Variants in SLC15A1 observed in about 807,000 individuals in gnomAD.
The protein encoded by SLC15A1 is solute carrier family 15 member 1.
A neutral mutation model predicts 92.9 loss-of-function variants in SLC15A1; 83 were observed. That is an observed-to-expected ratio of 0.89 (90% CI 0.75 to 1.07). The LOEUF is 1.07. Ranked by LOEUF, SLC15A1 falls within the 50% of genes least tolerant of loss-of-function variation. SLC15A1 has a pLI of 0.00. For missense variants in SLC15A1, 857 were observed against 880.1 expected (o/e 0.97, Z 0.33); for synonymous variants, 322 against 318.2 (o/e 1.01, Z -0.13).
Position 98,709,907 on chromosome 13 carries a change from G to C in SLC15A1, c.905C>G (p.Ser302Cys). 1.2e-6 allele frequency: 2 copies of C among 1,614,170 alleles called. No homozygotes were observed. Among genetic ancestry groups the C allele is most frequent in the Non-Finnish European group, 1.7e-6 (2 of 1,180,026 alleles). The stretch of plus-strand genomic sequence containing the variant: ...AGTTGTTGCCTGCAGTGTCCACCTG[G>C]AGCCCTTAAAAATGAATACATTTGC... ...MFWALFDQQG[S>C]RWTLQATTMS... is the part of the protein sequence containing the mutation. The change falls in exon 12 of 23, where the codon TCC (serine) becomes TGC (cysteine). Residue 302 changes from serine (S) to cysteine (C), a missense_variant. Ser to Cys is a moderately radical substitution (Grantham distance 112). Coordinates refer to ENST00000376503, the MANE Select transcript of SLC15A1 (RefSeq NM_005073.4).
chr13:98,692,830 C>T (rs1192806566), intron 18 of SLC15A1, among the ~76,000 whole-genome samples: 3 of 152,060 alleles, frequency 2.0e-5, no homozygotes, highest in East Asian at 1.9e-4. Context: ...ATTGCAGCCT[C>T]GACCTCCCGG....
At chr13:98,724,647 A>AT (rs2139594686) in intron 4 of SLC15A1, among the ~76,000 whole-genome samples, 1 of 152,112 alleles carries the variant, frequency 6.6e-6, no homozygotes. Context: ...AATTTTTTGT[A>AT]TTTTTTAGTA....
chr13:98,707,639 G>A (rs2088123121), intron 15 of SLC15A1, among the ~76,000 whole-genome samples: 1 of 152,116 alleles, frequency 6.6e-6, no homozygotes, highest in Non-Finnish European at 1.5e-5. Context: ...CCGGGCATGG[G>A]GGCTCATGCC....
intron 18 of SLC15A1, among the ~76,000 whole-genome samples, chr13:98,695,394 T>G (rs1410664192): frequency 6.6e-6 from 1 of 152,068 alleles, no homozygotes; most frequent in Admixed American, 6.6e-5. Context: ...ACCCAGTTTT[T>G]TTTGTTTGTT....
chr13:98,742,180 G>A (rs1475248969), intron 1 of SLC15A1, among the ~76,000 whole-genome samples: 1 of 152,226 alleles, frequency 6.6e-6, no homozygotes, highest in Non-Finnish European at 1.5e-5. Context: ...CTGGTGAGGC[G>A]GTGGGGGAGC....
At chr13:98,725,580 A>T (rs2139595355) in intron 4 of SLC15A1, among the ~76,000 whole-genome samples, 1 of 152,352 alleles carries the variant, frequency 6.6e-6, no homozygotes, top group South Asian at 2.1e-4. Context: ...GATGTGACAA[A>T]GATGCTACAT....
At chr13:98,701,285 T>TG (rs1241268633) in intron 18 of SLC15A1, among the ~76,000 whole-genome samples, 3 of 152,224 alleles carry the variant, frequency 2.0e-5, no homozygotes, top group African/African-American at 4.8e-5. Flanking sequence ...TCATATTCTG[T>TG]GGGGGGAGAT....
At position 98,709,907 on chromosome 13, in the gene SLC15A1, G is replaced by A. The variant is rs367841578; in HGVS notation, c.905C>T (p.Ser302Phe). ...MFWALFDQQG[S>F]RWTLQATTMS... ...AGTTGTTGCCTGCAGTGTCCACCTG[G>A]AGCCCTTAAAAATGAATACATTTGC... The change falls in exon 12 of 23, where the codon TCC becomes TTC. Residue 302 changes from serine to phenylalanine, a missense_variant. Physicochemically the swap from Ser to Phe is radical, Grantham distance 155. Coordinates refer to ENST00000376503, the MANE Select transcript of SLC15A1 (RefSeq NM_005073.4). 26 of 1,614,052 alleles carry A rather than the reference G, an allele frequency of 1.6e-5. No homozygotes were observed. Among genetic ancestry groups the A allele is most frequent in the Non-Finnish European group, 1.9e-5 (23 of 1,180,034 alleles).
intron 1 of SLC15A1, among the ~76,000 whole-genome samples, chr13:98,741,478 G>T (rs111461173): frequency 6.6e-6 from 1 of 152,110 alleles, no homozygotes; most frequent in African/African-American, 2.4e-5. Flanking sequence ...CTACACTCCT[G>T]CAATCCCAGT....
At chr13:98,687,200 C>T (rs1199023441) in intron 21 of SLC15A1, among the ~76,000 whole-genome samples, 2 of 152,036 alleles carry the variant, frequency 1.3e-5, no homozygotes, top group Non-Finnish European at 1.5e-5. Flanking sequence ...TCAACCAAAC[C>T]TATCATGAGG....
intron 21 of SLC15A1, among the ~76,000 whole-genome samples, chr13:98,686,925 T>C (rs574870967): frequency 6.6e-6 from 1 of 150,822 alleles, no homozygotes; most frequent in East Asian, 2.0e-4. Flanking sequence ...AAGCAATAAT[T>C]CTTTTAAACT....
chr13:98,722,948 G>A (rs2088271472), intron 5 of SLC15A1, among the ~76,000 whole-genome samples: 1 of 152,078 alleles, frequency 6.6e-6, no homozygotes, highest in African/African-American at 2.4e-5. Context: ...TGCTTTACTT[G>A]GATTAACCCA....
intron 1 of SLC15A1, among the ~76,000 whole-genome samples, chr13:98,732,726 AAG>A (rs1308241767): frequency 6.6e-6 from 1 of 152,182 alleles, no homozygotes; most frequent in East Asian, 1.9e-4. Flanking sequence ...GCTGAGGTCT[AAG>A]AGAGAAGGCC....
chr13:98,719,283 G>A lies in SLC15A1; in HGVS notation c.594C>T (p.Tyr198=). Residue 198 remains tyrosine, a synonymous_variant, in exon 8 of 23, where the codon TAC becomes TAT. Coordinates refer to ENST00000376503, the MANE Select transcript of SLC15A1 (RefSeq NM_005073.4). ...QCGIHSKQAC[Y]PLAFGVPAAL... is the part of the protein sequence containing the mutation. ...CAGCAGGAACCCCAAAGGCCAGTGGGTAACAAGCTTGTTTACTGTGAATTC... is the reference window on the plus strand; with the variant it reads ...CAGCAGGAACCCCAAAGGCCAGTGGATAACAAGCTTGTTTACTGTGAATTC... The A allele has an allele frequency of 5.6e-6, 9 of 1,613,896 alleles. No homozygotes were observed. The highest frequency in any genetic ancestry group is 7.6e-6 in the Non-Finnish European group (9 of 1,179,814).
chr13:98,696,738 G>C (rs1593982545), intron 18 of SLC15A1, among the ~76,000 whole-genome samples: 1 of 152,136 alleles, frequency 6.6e-6, no homozygotes, highest in African/African-American at 2.4e-5. Flanking sequence ...AAGGGGTGAG[G>C]GGCTGAATGG....
At chr13:98,714,941 A>T (rs949981337) in intron 9 of SLC15A1, among the ~76,000 whole-genome samples, 12 of 152,190 alleles carry the variant, frequency 7.9e-5, no homozygotes, top group Non-Finnish European at 1.2e-4. Flanking sequence ...GTATGTGTAT[A>T]TGCATATCCT....
chr13:98,708,659 A>G (rs902673105), intron 15 of SLC15A1, 27 bp downstream of exon 15: 1 of 1,596,388 alleles, frequency 6.3e-7, no homozygotes, highest in Non-Finnish European at 8.6e-7. Flanking sequence ...CCAGGAAAGG[A>G]CATGGGAGAA....
Position 98,709,879 on chromosome 13 carries a change from C to T in SLC15A1, c.933G>A (p.Met311Ile). Residue 311 changes from methionine (M) to isoleucine (I), a missense_variant, in exon 12 of 23, where the codon ATG becomes ATA. By Grantham distance (10) the Met-to-Ile change is conservative. Coordinates refer to ENST00000376503, the MANE Select transcript of SLC15A1 (RefSeq NM_005073.4). ...GSRWTLQATT[M>I]SGKIGALEIQ... is the part of the protein sequence containing the mutation. ...GAGTCAAACTTACGATTTTCCCGGACATAGTTGTTGCCTGCAGTGTCCACC... is the reference window on the plus strand; with the variant it reads ...GAGTCAAACTTACGATTTTCCCGGATATAGTTGTTGCCTGCAGTGTCCACC... 1 of 1,614,190 alleles carries T rather than the reference C, an allele frequency of 6.2e-7. No homozygotes were observed. Among genetic ancestry groups the T allele is most frequent in the Non-Finnish European group, 8.5e-7 (1 of 1,180,030 alleles).
At chr13:98,744,104 A>G (rs1244345418) in intron 1 of SLC15A1, among the ~76,000 whole-genome samples, 2 of 152,046 alleles carry the variant, frequency 1.3e-5, no homozygotes, top group East Asian at 1.9e-4. Flanking sequence ...AGCCAGGCAT[A>G]GTGGCACGTG....
Sources: allele counts gnomAD v4.1 joint callset (sites outside exome capture counted in the v4.1 genomes callset), GRCh38; gene constraint gnomAD v4.1.1; transcripts MANE v1.5; gene names NCBI Gene and HGNC (gene_info 2026-07-23, HGNC 2026-07-21).